Variants in COL27A1 observed in about 807,000 individuals in gnomAD.
The protein encoded by COL27A1 is collagen type XXVII alpha 1 chain, also known as collagen alpha-1(XXVII) chain.
Under a neutral mutation model 251.3 loss-of-function variants are expected in COL27A1, and 106 were observed. The ratio of observed to expected loss-of-function variants is 0.42; its 90% CI spans 0.36 to 0.50. COL27A1 has a LOEUF of 0.50. Ranked by LOEUF, COL27A1 falls within the 20% of genes least tolerant of loss-of-function variation. COL27A1 has a pLI of 0.00. For synonymous variants in COL27A1, 1,000 were observed against 986.3 expected (o/e 1.01, Z -0.26); for missense variants, 2,325 against 2,522.8 (o/e 0.92, Z 1.68).
chr9:114,260,477 C>G lies in COL27A1; in HGVS notation c.3195+1883C>G, dbSNP rs78740398. Among the ~76,000 whole-genome samples the G allele has an allele frequency of 1.1e-4, 16 of 152,312 alleles. No homozygotes were observed. In the East Asian group the frequency reaches 2.7e-3, roughly 26 times the overall value. ...GATTCTGGGCAAGTCCTGATCAGCT[C>G]CCGGTTTGCCCTGTGCCCTTAGCAA... On this transcript the variant is annotated intron_variant, in intron 28 of 60. Transcript: ENST00000356083.
At chr9:114,261,429 C>T (rs990308249) in intron 28 of COL27A1, among the ~76,000 whole-genome samples, 2 of 152,326 alleles carry the variant, frequency 1.3e-5, no homozygotes, top group South Asian at 2.1e-4. Flanking sequence ...GGGGAACCTG[C>T]GGGATGAACT....
chr9:114,246,035 GTTCAGTCCTCTACCCCT>G, intron 24 of COL27A1, 125 bp downstream of exon 24: 1 of 799,120 alleles, frequency 1.3e-6, no homozygotes, highest in Non-Finnish European at 2.1e-6. Context: ...CCAGAGGTAG[GTTCAGTCCTCTACCCCT>G]TTCACGAATG....
chr9:114,177,111 C>G (rs528612544), intron 3 of COL27A1, among the ~76,000 whole-genome samples: 1 of 152,174 alleles, frequency 6.6e-6, no homozygotes, highest in African/African-American at 2.4e-5. Flanking sequence ...TTTACTCCTT[C>G]GAGGTAAATG....
chr9:114,194,398 T>C lies in COL27A1; in HGVS notation c.2017-6T>C, dbSNP rs1371836471. ...GGTGGCCAAAGTGGAATTGTTTTTG[T>C]TTCAGGGACAGAAAGGGGACCCAGG... On this transcript the variant is annotated splice_polypyrimidine_tract_variant and splice_region_variant and intron_variant, in intron 5 of 60. Coordinates refer to ENST00000356083, the MANE Select transcript of COL27A1 (RefSeq NM_032888.4). The C allele has an allele frequency of 6.2e-7, 1 of 1,613,474 alleles. No homozygotes were observed. Among genetic ancestry groups the C allele is most frequent in the East Asian group, 2.2e-5 (1 of 44,848 alleles).
intron 12 of COL27A1, among the ~76,000 whole-genome samples, chr9:114,216,976 C>T (rs534459721): frequency 2.6e-5 from 4 of 152,282 alleles, no homozygotes; most frequent in African/African-American, 9.6e-5. Flanking sequence ...AGTCACACTG[C>T]CTAGGTTCGA....
rs548744513 is a variant in COL27A1, at chr9:114,266,850, G to C, written c.3447+232G>C. Among the ~76,000 whole-genome samples, 5 of 152,292 alleles carry C rather than the reference G, an allele frequency of 3.3e-5. No individual in the cohort carries two copies. In the South Asian group the frequency reaches 1.0e-3, roughly 32 times the overall value. On this transcript the variant is annotated intron_variant, in intron 33 of 60. Transcript: ENST00000356083. ...GTCCAGGGGCATTGGGTGGGACACA[G>C]AGGTACCAGGACCCTTGTGGGGGTT...
intron 20 of COL27A1, 74 bp downstream of exon 20, chr9:114,240,347 G>A (rs1832673881): frequency 6.3e-7 from 1 of 1,585,812 alleles, no homozygotes; most frequent in Non-Finnish European, 8.6e-7. Flanking sequence ...CTGGCTGCCT[G>A]GCTTGGAAGC....
rs1829960539 is a variant in COL27A1 at position 114,206,272 on chromosome 9, A to G, written c.2244A>G (p.Gly748=). Residue 748 remains glycine, a synonymous_variant, in exon 10 of 61, where the codon GGA becomes GGG. Transcript: ENST00000356083. ...TTCAGGGGTTACCTGGACCGGTAGGAGATCCCGGCCCCAAAGGCAGCAGGG... is the reference window on the plus strand; with the variant it reads ...TTCAGGGGTTACCTGGACCGGTAGGGGATCCCGGCCCCAAAGGCAGCAGGG... ...PGRQGLPGPV[G]DPGPKGSRGY... The G allele has an allele frequency of 6.2e-7, 1 of 1,614,124 alleles. No homozygotes were observed. Among genetic ancestry groups the G allele is most frequent in the Non-Finnish European group, 8.5e-7 (1 of 1,179,992 alleles).
chr9:114,300,240 A>G lies in COL27A1; in HGVS notation c.4638+117A>G, dbSNP rs891196803. 3 of 1,071,076 alleles carry G rather than the reference A, an allele frequency of 2.8e-6. No homozygotes were observed. In the African/African-American group the frequency reaches 4.7e-5, roughly 17 times the overall value. 66.3% of individuals were successfully genotyped at this position (1,071,076 alleles called of 1,614,324 possible). A position where few individuals can be genotyped will look rare whatever the true frequency, so the allele number is the denominator to read the frequency against. ...TGAAAACATTGGCTGGAAAACAGCC[A>G]GAATCAGGCATGAACACCCTCATCC... is the stretch of plus-strand genomic sequence containing the variant. On this transcript the variant is annotated intron_variant, in intron 50 of 60. Coordinates refer to ENST00000356083, the MANE Select transcript of COL27A1 (RefSeq NM_032888.4).
chr9:114,286,953 T>G (rs922098900), intron 41 of COL27A1, among the ~76,000 whole-genome samples: 7 of 152,138 alleles, frequency 4.6e-5, no homozygotes, highest in African/African-American at 1.7e-4. Context: ...ACAGAGTGCC[T>G]GGCACATGGA....
chr9:114,276,250 C>A (rs1835498878), intron 37 of COL27A1, among the ~76,000 whole-genome samples: 1 of 152,224 alleles, frequency 6.6e-6, no homozygotes, highest in Admixed American at 6.5e-5. Flanking sequence ...ACATGCATAA[C>A]CTTCAGTGTA....
intron 13 of COL27A1, among the ~76,000 whole-genome samples, chr9:114,221,519 C>G (rs1831112595): frequency 6.6e-6 from 1 of 152,186 alleles, no homozygotes; most frequent in South Asian, 2.1e-4. Flanking sequence ...GTCTAGAGCC[C>G]TGGAGTTTTA....
At chr9:114,284,027 G>A (rs890622216) in intron 40 of COL27A1, among the ~76,000 whole-genome samples, 2 of 152,248 alleles carry the variant, frequency 1.3e-5, no homozygotes, top group Non-Finnish European at 2.9e-5. Flanking sequence ...CCCAGGGTGG[G>A]CGCTCTGCAT....
chr9:114,182,067 C>T (rs1827961491), intron 4 of COL27A1, among the ~76,000 whole-genome samples: 1 of 151,978 alleles, frequency 6.6e-6, no homozygotes, highest in Non-Finnish European at 1.5e-5. Context: ...GGCCAGCTGC[C>T]GTGGCTCACG....
chr9:114,193,290 G>A (rs1456816184), intron 5 of COL27A1, among the ~76,000 whole-genome samples: 2 of 152,148 alleles, frequency 1.3e-5, no homozygotes, highest in African/African-American at 4.8e-5. Context: ...AAGGAGAGGA[G>A]CCGCAGCCAG....
chr9:114,309,209 G>C (rs748337525), intron 59 of COL27A1, 51 bp from the exon 60 acceptor site: 7 of 1,483,060 alleles, frequency 4.7e-6, no homozygotes, highest in Middle Eastern at 1.7e-4. Flanking sequence ...CCCTCGGTGT[G>C]GGGGGTGTGG....
rs746332671 is a variant in COL27A1 at position 114,307,695 on chromosome 9, G to A, written c.5134G>A (p.Gly1712Ser). The A allele has an allele frequency of 6.2e-7, 1 of 1,614,080 alleles. No individual in the cohort carries two copies. Among genetic ancestry groups the A allele is most frequent in the Admixed American group, 1.7e-5 (1 of 60,026 alleles). The change falls in exon 59 of 61, where the codon GGC becomes AGC. Residue 1712 changes from glycine to serine, a missense_variant. Transcript: ENST00000356083. ...DGTYWVDPNL[G>S]CSSDTIEVSC... ...TACCTACTGGGTGGATCCAAACCTT[G>A]GCTGCTCCTCTGACACCATCGAGGT...
intron 32 of COL27A1, 83 bp downstream of exon 32, chr9:114,265,558 GT>G: frequency 7.1e-7 from 1 of 1,408,156 alleles, no homozygotes; most frequent in Non-Finnish European, 1.0e-6. Flanking sequence ...AAGGAGAAGG[GT>G]TGGAAAGGGA....
chr9:114,168,630 A>G lies in COL27A1; in HGVS notation c.1075A>G (p.Ile359Val). The G allele has an allele frequency of 6.2e-7, 1 of 1,614,154 alleles. No individual in the cohort carries two copies. Among genetic ancestry groups the G allele is most frequent in the South Asian group, 1.1e-5 (1 of 91,080 alleles). Residue 359 changes from isoleucine to valine, a missense_variant, in exon 3 of 61, where the codon ATC becomes GTC. By Grantham distance (29) the Ile-to-Val change is conservative. Transcript: ENST00000356083. ...TGCGGCCGCTCAACCATCACAGAAGATCACAGCCACCAAAATCCCCAAAAG... is the reference window on the plus strand; with the variant it reads ...TGCGGCCGCTCAACCATCACAGAAGGTCACAGCCACCAAAATCCCCAAAAG... ...RPAAAQPSQKITATKIPKSLP... is the reference protein window; with the variant it reads ...RPAAAQPSQKVTATKIPKSLP...
Sources: allele counts gnomAD v4.1 joint callset (sites outside exome capture counted in the v4.1 genomes callset), GRCh38; gene constraint gnomAD v4.1.1; transcripts MANE v1.5; gene names NCBI Gene and HGNC (gene_info 2026-07-23, HGNC 2026-07-21).